Variants in PTBP1 observed in about 807,000 individuals in gnomAD.
PTBP1 encodes the protein polypyrimidine tract-binding protein 1.
A neutral mutation model predicts 59.8 loss-of-function variants in PTBP1; 8 were observed. The observed-to-expected ratio is 0.13, with a 90% CI of 0.08 to 0.24. PTBP1 has a LOEUF of 0.24. Ranked by LOEUF, PTBP1 falls within the 10% of genes least tolerant of loss-of-function variation. The pLI is 1.00. For synonymous variants in PTBP1, 490 were observed against 320.7 expected (o/e 1.53, Z -5.64); for missense variants, 686 against 767.0 (o/e 0.89, Z 1.25).
In PTBP1 at chr19:805,009, TC is replaced by T; in HGVS notation, c.718-3del. ...GCGACGTCTCACGGTCCCTCTCCCCTCAGTCGCTGGACGGGCAGAACATCTA... is the reference window on the plus strand; with the variant it reads ...GCGACGTCTCACGGTCCCTCTCCCCTAGTCGCTGGACGGGCAGAACATCTA... On this transcript the variant is annotated splice_region_variant and splice_polypyrimidine_tract_variant and intron_variant, in intron 7 of 14. Transcript: ENST00000356948. 6.2e-7 allele frequency: 1 copy of T among 1,613,256 alleles called. No individual in the cohort carries two copies. The highest frequency in any genetic ancestry group is 8.5e-7 in the Non-Finnish European group (1 of 1,179,522).
chr19:804,617 G>A lies in PTBP1; in HGVS notation c.521G>A (p.Gly174Glu). ...GCCTCGGCGGCGGCCGTGGACGCAGGGATGGCGATGGCCGGGCAGAGCCCC... is the reference window on the plus strand; with the variant it reads ...GCCTCGGCGGCGGCCGTGGACGCAGAGATGGCGATGGCCGGGCAGAGCCCC... ...LAASAAAVDA[G>E]MAMAGQSPVL... is the part of the protein sequence containing the mutation. The change falls in exon 6 of 15, where the codon GGG (glycine) becomes GAG (glutamate). Residue 174 changes from glycine (G) to glutamate (E), a missense_variant. Physicochemically the swap from Gly to Glu is moderately conservative, Grantham distance 98 (BLOSUM62 -2). Transcript: ENST00000356948. 1.2e-6 allele frequency: 2 copies of A among 1,612,644 alleles called. No homozygotes were observed. Among genetic ancestry groups the A allele is most frequent in the Non-Finnish European group, 1.7e-6 (2 of 1,179,786 alleles).
At chr19:799,498 C>G in intron 2 of PTBP1, 55 bp downstream of exon 2, 1 of 1,569,902 alleles carries the variant, frequency 6.4e-7, no homozygotes, top group Non-Finnish European at 8.8e-7. Flanking sequence ...TGTGCCGACC[C>G]CGGGGGCCAC....
chr19:804,707 G>T lies in PTBP1; in HGVS notation c.606+5G>T. On this transcript the variant is annotated splice_donor_5th_base_variant and intron_variant, in intron 6 of 14. Transcript: ENST00000356948. Reference sequence around the variant, plus strand: ...ACCCTGGATGTGCTGCACCAGGTGAGGTGGTCCCATCACCGCCAGGGCAGG... The same window carrying T: ...ACCCTGGATGTGCTGCACCAGGTGATGTGGTCCCATCACCGCCAGGGCAGG... 1.2e-6 allele frequency: 2 copies of T among 1,611,130 alleles called. No individual in the cohort carries two copies. Among genetic ancestry groups the T allele is most frequent in the Non-Finnish European group, 1.7e-6 (2 of 1,178,026 alleles).
At chr19:797,742 C>G (rs1363378307) in intron 1 of PTBP1, among the ~76,000 whole-genome samples, 2 of 147,596 alleles carry the variant, frequency 1.4e-5, no homozygotes, top group African/African-American at 2.5e-5. Context: ...CGCGCCCCGT[C>G]CCTAGCGCAC....
Position 803,582 on chromosome 19 carries a change from T to C in PTBP1, c.61T>C (p.Ser21Pro). Reference sequence around the variant, plus strand: ...GCAGCGGGGATCTGACGAGCTTTTCTCTACTTGTGTCACTAACGGACCGTT... The same window carrying C: ...GCAGCGGGGATCTGACGAGCTTTTCCCTACTTGTGTCACTAACGGACCGTT... ...GTKRGSDELF[S>P]TCVTNGPFIM... Residue 21 changes from serine to proline, a missense_variant, in exon 3 of 15, where the codon TCT becomes CCT. Ser to Pro is a moderately conservative substitution (Grantham distance 74). Coordinates refer to ENST00000356948, the MANE Select transcript of PTBP1 (RefSeq NM_002819.5). The C allele has an allele frequency of 6.8e-6, 11 of 1,614,170 alleles. No homozygotes were observed. Among genetic ancestry groups the C allele is most frequent in the Non-Finnish European group, 9.3e-6 (11 of 1,180,000 alleles).
chr19:805,139 T>A lies in PTBP1; in HGVS notation c.844T>A (p.Ser282Thr). 1.9e-6 allele frequency: 3 copies of A among 1,613,720 alleles called. No homozygotes were observed. The highest frequency in any genetic ancestry group is 1.7e-6 in the Non-Finnish European group (2 of 1,179,870). ...TGACTACACACGCCCAGACCTGCCT[T>A]CCGGGGACAGCCAGCCCTCGCTGGA... ...SRDYTRPDLP[S>T]GDSQPSLDQT... Residue 282 changes from serine to threonine, a missense_variant, in exon 8 of 15, where the codon TCC becomes ACC. Transcript: ENST00000356948.
chr19:804,494 C>T, intron 5 of PTBP1, 38 bp from the exon 6 acceptor site: 1 of 1,592,294 alleles, frequency 6.3e-7, no homozygotes, highest in Non-Finnish European at 8.5e-7. Flanking sequence ...GTGGGCCCAG[C>T]CGCAGGGGCC....
At chr19:805,291 A>C (rs1599231440) in intron 8 of PTBP1, 104 bp downstream of exon 8, 1 of 1,365,222 alleles carries the variant, frequency 7.3e-7, no homozygotes. Flanking sequence ...AGGGTGATGC[A>C]CCTGCTGCTC....
chr19:807,993 A>C, intron 11 of PTBP1, 91 bp downstream of exon 11: 1 of 1,186,028 alleles, frequency 8.4e-7, no homozygotes, highest in Non-Finnish European at 1.3e-6. Flanking sequence ...GCGGTTTGGC[A>C]CTCTGATGCT....
In PTBP1 at chr19:804,555, G is replaced by T; in HGVS notation, c.459G>T (p.Ala153=). 5.6e-6 allele frequency: 9 copies of T among 1,606,700 alleles called. No homozygotes were observed. Among genetic ancestry groups the T allele is most frequent in the Non-Finnish European group, 7.6e-6 (9 of 1,178,300 alleles). ...NQARAQAALQ[A]VNSVQSGNLA... Reference sequence around the variant, plus strand: ...AGCGGGCCCAGGCGGCCCTGCAGGCGGTGAACTCGGTCCAGTCGGGGAACC... The same window carrying T: ...AGCGGGCCCAGGCGGCCCTGCAGGCTGTGAACTCGGTCCAGTCGGGGAACC... Residue 153 remains alanine (A), a synonymous_variant, in exon 6 of 15, where the codon GCG becomes GCT. Transcript: ENST00000356948.
chr19:809,295 C>G (rs1023728826), intron 13 of PTBP1, among the ~76,000 whole-genome samples: 7 of 149,550 alleles, frequency 4.7e-5, no homozygotes, highest in East Asian at 1.9e-4. Context: ...CGTGAGCCAC[C>G]GCGCCTAGCC....
At position 804,666 on chromosome 19, in the gene PTBP1, C is replaced by T. The variant is rs764461402; in HGVS notation, c.570C>T (p.Asn190=). Residue 190 remains asparagine (N), a synonymous_variant, in exon 6 of 15, where the codon AAC becomes AAT. Transcript: ENST00000356948. The part of the protein sequence containing the change: ...QSPVLRIIVE[N]LFYPVTLDVL... ...CCGTGCTCAGGATCATCGTGGAGAACCTCTTCTACCCTGTGACCCTGGATG... is the reference window on the plus strand; with the variant it reads ...CCGTGCTCAGGATCATCGTGGAGAATCTCTTCTACCCTGTGACCCTGGATG... 10 of 1,612,874 alleles carry T rather than the reference C, an allele frequency of 6.2e-6. No homozygotes were observed. Among genetic ancestry groups the T allele is most frequent in the Non-Finnish European group, 8.5e-6 (10 of 1,179,718 alleles).
At position 805,495 on chromosome 19, in the gene PTBP1, C is replaced by T. The variant is rs755487270; in HGVS notation, c.896C>T (p.Ala299Val). 2.5e-6 allele frequency: 4 copies of T among 1,612,886 alleles called. No homozygotes were observed. In the South Asian group the frequency reaches 3.3e-5, roughly 13 times the overall value. ...TTAGTGTCTCATTTATTTCTAGGTGCACCTGGTATAATCTCAGCCTCTCCG... is the reference window on the plus strand; with the variant it reads ...TTAGTGTCTCATTTATTTCTAGGTGTACCTGGTATAATCTCAGCCTCTCCG... ...LDQTMAAAFGAPGIISASPYA... is the reference protein window; with the variant it reads ...LDQTMAAAFGVPGIISASPYA... Residue 299 changes from alanine to valine, a missense_variant, in exon 9 of 15, where the codon GCA becomes GTA. Physicochemically the swap from Ala to Val is moderately conservative, Grantham distance 64. Coordinates refer to ENST00000356948, the MANE Select transcript of PTBP1 (RefSeq NM_002819.5).
intron 10 of PTBP1, 150 bp downstream of exon 10, chr19:806,706 C>T (rs1400768229): frequency 2.9e-5 from 19 of 653,388 alleles, no homozygotes; most frequent in Middle Eastern, 7.3e-4. Flanking sequence ...TGAGACCCTC[C>T]TTTTCCAAGA....
In PTBP1 at chr19:808,116, C is replaced by T. The variant is rs1016871285; in HGVS notation, c.1153+214C>T. 1.1e-5 allele frequency: 7 copies of T among 633,306 alleles called. No individual in the cohort carries two copies. The highest frequency in any genetic ancestry group is 5.6e-5 in the Admixed American group (2 of 35,980). 39.2% of individuals were successfully genotyped at this position (633,306 alleles called of 1,614,324 possible). Reference sequence around the variant, plus strand: ...GCATGCTTTTCAGAGTTAGACCTGTCGGTGGCATATGCCACCGTGGCCACC... The same window carrying T: ...GCATGCTTTTCAGAGTTAGACCTGTTGGTGGCATATGCCACCGTGGCCACC... On this transcript the variant is annotated intron_variant, in intron 11 of 14. Coordinates refer to ENST00000356948, the MANE Select transcript of PTBP1 (RefSeq NM_002819.5). This position sits in a 1 kb window ranked among gnomAD's most constrained non-coding sequence, Gnocchi z 4.7.
intron 13 of PTBP1, 118 bp from the exon 14 acceptor site, chr19:810,424 TA>T (rs2034804796): frequency 6.5e-6 from 5 of 763,966 alleles, no homozygotes; most frequent in African/African-American, 1.8e-5. Flanking sequence ...TCTGGGCTCC[TA>T]AAAGGCCCTA....
chr19:797,764 C>A (rs2034136007), intron 1 of PTBP1, among the ~76,000 whole-genome samples: 1 of 148,256 alleles, frequency 6.7e-6, no homozygotes, highest in Non-Finnish European at 1.5e-5. Context: ...CGGCCTCCCG[C>A]GCCCCTCCCC....
rs867035879 is a variant in PTBP1, at chr19:805,251, G to T, written c.892+64G>T. 4.4e-5 allele frequency: 69 copies of T among 1,569,106 alleles called. No homozygotes were observed. In the African/African-American group the frequency reaches 7.3e-4, roughly 17 times the overall value. On this transcript the variant is annotated intron_variant, in intron 8 of 14. Transcript: ENST00000356948. ...GTCTATTAGGGCCGCTCAGTCCGGA[G>T]CCCCGGCGGCACGGGCCCGGCCCTG...
Position 804,600 on chromosome 19 carries a change from G to A in PTBP1, c.504G>A (p.Ala168=), listed in dbSNP as rs1009926429. 22 of 1,611,770 alleles carry A rather than the reference G, an allele frequency of 1.4e-5. No individual in the cohort carries two copies. The highest frequency in any genetic ancestry group is 3.3e-5 in the South Asian group (3 of 91,054). ...QSGNLALAAS[A]AAVDAGMAMA... is the part of the protein sequence containing the mutation. ...GGAACCTGGCCTTGGCTGCCTCGGC[G>A]GCGGCCGTGGACGCAGGGATGGCGA... The change falls in exon 6 of 15, where the codon GCG becomes GCA. Residue 168 remains alanine, a synonymous_variant. Transcript: ENST00000356948.
Sources: allele counts gnomAD v4.1 joint callset (sites outside exome capture counted in the v4.1 genomes callset), GRCh38; gene constraint gnomAD v4.1.1; non-coding constraint Gnocchi (gnomAD v3.1); transcripts MANE v1.5; gene names NCBI Gene and HGNC (gene_info 2026-07-23, HGNC 2026-07-21).